HSP90AA1: variants seen among roughly 807,000 people sequenced by gnomAD.
HSP90AA1 encodes the protein heat shock protein 90 alpha family class A member 1.
Under a neutral mutation model 73.3 loss-of-function variants are expected in HSP90AA1, and 18 were observed. The observed-to-expected ratio is 0.25, with a 90% CI of 0.17 to 0.36. HSP90AA1 has a LOEUF of 0.36. Ranked by LOEUF, HSP90AA1 falls within the 10% of genes least tolerant of loss-of-function variation. The probability of loss-of-function intolerance (pLI) is 1.00; values close to 1 mark genes in which losing one functional copy is unlikely to be tolerated. For synonymous variants in HSP90AA1, 477 were observed against 296.9 expected, an observed-to-expected ratio of 1.61 and a Z score of -6.24; for missense variants, 704 against 874.2, an observed-to-expected ratio of 0.81 and a Z score of 2.45.
At chr14:102,115,063 C>T (rs1168482108) in intron 1 of HSP90AA1, among the ~76,000 whole-genome samples, 4 of 151,450 alleles carry the variant, frequency 2.6e-5, no homozygotes, top group Admixed American at 2.6e-4. Context: ...AGGAGAATGG[C>T]GTGAACCCAG....
Position 102,085,744 on chromosome 14 carries a change from G to C in HSP90AA1, c.529+14C>G, listed in dbSNP as rs368252341. 1.3e-5 allele frequency: 21 copies of C among 1,613,880 alleles called. No individual in the cohort carries two copies. Among genetic ancestry groups the C allele is most frequent in the African/African-American group, 2.7e-5 (2 of 74,928 alleles). On this transcript the variant is annotated intron_variant, in intron 3 of 10. Coordinates refer to ENST00000216281, the MANE Select transcript of HSP90AA1 (RefSeq NM_005348.4). ...TCCACCGCTCACTTAACCAGTGAATGTTCAGGTGCCTACCTGTGTCTGTCC... is the reference window on the plus strand; with the variant it reads ...TCCACCGCTCACTTAACCAGTGAATCTTCAGGTGCCTACCTGTGTCTGTCC...
chr14:102,089,766 A>C (rs926979679), upstream of HSP90AA1, among the ~76,000 whole-genome samples: 5 of 151,886 alleles, frequency 3.3e-5, no homozygotes, highest in Admixed American at 6.6e-5. Flanking sequence ...AAAGAACCCC[A>C]AGCATCCCCA....
intron 2 of HSP90AA1, among the ~76,000 whole-genome samples, chr14:102,098,311 G>GCATA: frequency 6.6e-6 from 1 of 151,668 alleles, no homozygotes. Context: ...ATAGGCGTCT[G>GCATA]CCACCACGCC....
At chr14:102,105,323 G>C (rs1006790129) in intron 1 of HSP90AA1, among the ~76,000 whole-genome samples, 2 of 152,062 alleles carry the variant, frequency 1.3e-5, no homozygotes, top group Non-Finnish European at 2.9e-5. Context: ...CCTCGTCCTG[G>C]GAGCTCACTG....
At chr14:102,138,164 GT>G (rs1342360281) in intron 1 of HSP90AA1, among the ~76,000 whole-genome samples, 1 of 152,108 alleles carries the variant, frequency 6.6e-6, no homozygotes, top group African/African-American at 2.4e-5. Flanking sequence ...CAATGTTATG[GT>G]TAATTGAAGA....
chr14:102,096,755 T>C (rs897904894), intron 2 of HSP90AA1, among the ~76,000 whole-genome samples: 1 of 152,204 alleles, frequency 6.6e-6, no homozygotes, highest in Non-Finnish European at 1.5e-5. Context: ...GATAAACCTT[T>C]GGCGCCACCC....
chr14:102,135,323 C>T (rs967296403), intron 1 of HSP90AA1, among the ~76,000 whole-genome samples: 2 of 150,652 alleles, frequency 1.3e-5, no homozygotes. Context: ...ATTTACAATC[C>T]CTGAGCTAGA....
chr14:102,085,533 A>C, intron 3 of HSP90AA1, 102 bp from the exon 4 acceptor site: 1 of 1,299,302 alleles, frequency 7.7e-7, no homozygotes, highest in Non-Finnish European at 1.1e-6. Flanking sequence ...GTTTGCCGTT[A>C]CTACAGATGC....
rs2049100352 is a variant in HSP90AA1 at position 102,081,596 on chromosome 14, T to C, written c.*116A>G. The stretch of plus-strand genomic sequence containing the variant: ...AAATCTTATCTTCCCCTTAAAGTAG[T>C]TGTCATGCCATACAGACTTTTTAAT... On this transcript the variant is annotated 3_prime_UTR_variant, in exon 11 of 11. Transcript: ENST00000216281. 3 of 710,462 alleles carry C rather than the reference T, an allele frequency of 4.2e-6. No individual in the cohort carries two copies. The highest frequency in any genetic ancestry group is 2.7e-5 in the East Asian group (1 of 37,654). 44.0% of individuals were successfully genotyped at this position (710,462 alleles called of 1,614,324 possible). A position where few individuals can be genotyped will look rare whatever the true frequency, so the allele number is the denominator to read the frequency against.
chr14:102,082,914 C>CAAACA, intron 9 of HSP90AA1, 120 bp downstream of exon 9: 1 of 1,077,216 alleles, frequency 9.3e-7, no homozygotes, highest in Admixed American at 1.8e-5. Flanking sequence ...CCACCGCGCC[C>CAAACA]AGCCACACAC....
Position 102,081,399 on chromosome 14 carries a change from T to A in HSP90AA1, c.*313A>T. 2.1e-6 allele frequency: 1 copy of A among 467,850 alleles called. No homozygotes were observed. The highest frequency in any genetic ancestry group is 3.9e-6 in the Non-Finnish European group (1 of 258,064). 29.0% of individuals were successfully genotyped at this position (467,850 alleles called of 1,614,324 possible). On this transcript the variant is annotated 3_prime_UTR_variant, in exon 11 of 11. Coordinates refer to ENST00000216281, the MANE Select transcript of HSP90AA1 (RefSeq NM_005348.4). ...CTTCAATAACAAGATTTGGTCTACTTAGGCATCCGGCTTGACAGCTAAACA... is the reference window on the plus strand; with the variant it reads ...CTTCAATAACAAGATTTGGTCTACTAAGGCATCCGGCTTGACAGCTAAACA...
At chr14:102,097,245 C>T (rs1310150414) in intron 2 of HSP90AA1, among the ~76,000 whole-genome samples, 1 of 151,426 alleles carries the variant, frequency 6.6e-6, no homozygotes, top group Non-Finnish European at 1.5e-5. Context: ...CTTGGCCTCC[C>T]AAAGTGCTGG....
intron 1 of HSP90AA1, among the ~76,000 whole-genome samples, chr14:102,112,911 A>G (rs916179959): frequency 1.3e-5 from 2 of 152,242 alleles, no homozygotes; most frequent in African/African-American, 2.4e-5. Context: ...TAGATGCAAT[A>G]TCTATTTAAA....
intron 3 of HSP90AA1, 75 bp from the exon 4 acceptor site, chr14:102,085,506 CGT>C (rs1491193569): frequency 8.4e-6 from 12 of 1,422,608 alleles, no homozygotes; most frequent in Non-Finnish European, 1.2e-5. Context: ...ACCCTTATAA[CGT>C]GTCTATAAAG....
rs36092445 is a variant in HSP90AA1, at chr14:102,083,342, T to C, written c.1487-40A>G. On this transcript the variant is annotated intron_variant, in intron 8 of 10. Coordinates refer to ENST00000216281, the MANE Select transcript of HSP90AA1 (RefSeq NM_005348.4). The stretch of plus-strand genomic sequence containing the variant: ...AGTTACTTTTAGACCTTTTAACAGT[T>C]AAGAATGGTTTCATCTAGCTCTGAC... The C allele has an allele frequency of 1.0e-3, 1,624 of 1,607,714 alleles. 13 individuals carry two copies. The African/African-American group carries it at 0.019, about 19-fold the overall frequency.
chr14:102,096,470 C>G (rs75036313), intron 2 of HSP90AA1, among the ~76,000 whole-genome samples: 25 of 152,328 alleles, frequency 1.6e-4, no homozygotes, highest in African/African-American at 4.8e-4. Flanking sequence ...TCTCTTCATG[C>G]TGGGTTGTTC....
At chr14:102,087,517 A>G (rs1389951979), upstream of HSP90AA1, among the ~76,000 whole-genome samples, 1 of 151,800 alleles carries the variant, frequency 6.6e-6, no homozygotes, top group Admixed American at 6.5e-5. Flanking sequence ...GCGTGGACGG[A>G]GAGCGGCCCG....
intron 1 of HSP90AA1, among the ~76,000 whole-genome samples, chr14:102,118,448 C>A (rs1344408643): frequency 6.6e-6 from 1 of 151,586 alleles, no homozygotes; most frequent in African/African-American, 2.4e-5. Context: ...TCTATGTTGC[C>A]CAGTCTGGTC....
At chr14:102,134,800 A>G (rs2049961677) in intron 1 of HSP90AA1, among the ~76,000 whole-genome samples, 1 of 152,174 alleles carries the variant, frequency 6.6e-6, no homozygotes, top group South Asian at 2.1e-4. Flanking sequence ...GAGAAAGAAC[A>G]AAGCTTCTAC....
Sources: allele counts gnomAD v4.1 joint callset (sites outside exome capture counted in the v4.1 genomes callset), GRCh38; gene constraint gnomAD v4.1.1; transcripts MANE v1.5; gene names NCBI Gene and HGNC (gene_info 2026-07-23, HGNC 2026-07-21).